ANO7: variants seen among roughly 807,000 people sequenced by gnomAD.
ANO7 encodes the protein anoctamin-7.
Under a neutral mutation model 115.8 loss-of-function variants are expected in ANO7, and 114 were observed. The observed-to-expected ratio is 0.98, with a 90% CI of 0.85 to 1.15. The LOEUF (loss-of-function observed/expected upper bound fraction) is 1.15, where lower values mean the gene tolerates loss of function less well. Ranked by LOEUF, ANO7 falls within the 50% of genes most tolerant of loss-of-function variation. The pLI is 0.00. For missense variants in ANO7, 1,302 were observed against 1,201.2 expected, an observed-to-expected ratio of 1.08 and a Z score of -1.24; for synonymous variants, 550 against 498.2, an observed-to-expected ratio of 1.10 and a Z score of -1.38.
At chr2:241,235,009 C>T in the ANO7 span, 3 of 1,349,404 alleles carry the variant, frequency 2.2e-6, no homozygotes, top group African/African-American at 4.3e-5. Context: ...ATCTCACCTC[C>T]AGCCAGATGT....
chr2:241,233,845 A>C, the ANO7 span: 1 of 1,614,164 alleles, frequency 6.2e-7, no homozygotes, highest in Non-Finnish European at 8.5e-7. The surrounding 1 kb of genome is among the most constrained non-coding windows in gnomAD (Gnocchi z 4.3). Flanking sequence ...CTTATCAGGA[A>C]ACTGGATGTT....
At chr2:241,238,927 G>A in the ANO7 span, 1 of 634,152 alleles carries the variant, frequency 1.6e-6, no homozygotes, top group Admixed American at 2.9e-5. This position sits in a 1 kb window ranked among gnomAD's most constrained non-coding sequence, Gnocchi z 4.9. Flanking sequence ...CCCGAGTCCA[G>A]GGCTCCAGGC....
chr2:241,198,643 G>C (rs995591559), intron 4 of ANO7, among the ~76,000 whole-genome samples: 1 of 152,218 alleles, frequency 6.6e-6, no homozygotes, highest in Middle Eastern at 3.2e-3. Flanking sequence ...GGTGGGGCCG[G>C]GACTTTGGCA....
chr2:241,239,361 TCTC>T, the ANO7 span, among the ~76,000 whole-genome samples: 2 of 152,036 alleles, frequency 1.3e-5, no homozygotes, highest in African/African-American at 4.8e-5. This position sits in a 1 kb window ranked among gnomAD's most constrained non-coding sequence, Gnocchi z 4.6. Context: ...CCTCTCCTCT[TCTC>T]CTTCTCTCTC....
At chr2:241,231,839 AAAC>A in the ANO7 span, among the ~76,000 whole-genome samples, 5 of 152,266 alleles carry the variant, frequency 3.3e-5, no homozygotes, top group African/African-American at 1.2e-4. Flanking sequence ...CAATCGGCGA[AAAC>A]AACATGTCCA....
rs1465122012 is a variant in ANO7 at position 241,223,895 on chromosome 2, T to C, written c.2533-10T>C. ...TCCCTCTTCCTCTTGCTGCCCTTTT[T>C]TGGGGACAGGTTCTTTTTGGAACGA... On this transcript the variant is annotated splice_polypyrimidine_tract_variant and intron_variant, in intron 23 of 24. Coordinates refer to ENST00000674324, the MANE Select transcript of ANO7 (RefSeq NM_001370694.2). 3.1e-6 allele frequency: 5 copies of C among 1,614,080 alleles called. No homozygotes were observed. Among genetic ancestry groups the C allele is most frequent in the African/African-American group, 1.3e-5 (1 of 75,012 alleles).
chr2:241,217,894 G>C lies in ANO7; in HGVS notation c.2178+3G>C, dbSNP rs759213759. 2.6e-6 allele frequency: 4 copies of C among 1,556,198 alleles called. No homozygotes were observed. The highest frequency in any genetic ancestry group is 2.8e-5 in the African/African-American group (2 of 72,056). ...CGCACCTGGCGGTCATCAGCAACGTGAGGCCCGGGCGGGAGCGCGGGGCGG... is the reference window on the plus strand; with the variant it reads ...CGCACCTGGCGGTCATCAGCAACGTCAGGCCCGGGCGGGAGCGCGGGGCGG... On this transcript the variant is annotated splice_donor_region_variant and intron_variant, in intron 20 of 24. Coordinates refer to ENST00000674324, the MANE Select transcript of ANO7 (RefSeq NM_001370694.2).
rs1574804029 is a variant in ANO7 at position 241,223,819 on chromosome 2, C to A, written c.2532+38C>A. Reference sequence around the variant, plus strand: ...GCCCAGTCTCGGCCCTCCCCCCAGCCCTCTCCCTATCCTTGTCAGTGGCTG... The same window carrying A: ...GCCCAGTCTCGGCCCTCCCCCCAGCACTCTCCCTATCCTTGTCAGTGGCTG... On this transcript the variant is annotated intron_variant, in intron 23 of 24. Coordinates refer to ENST00000674324, the MANE Select transcript of ANO7 (RefSeq NM_001370694.2). 5 of 1,614,110 alleles carry A rather than the reference C, an allele frequency of 3.1e-6. No individual in the cohort carries two copies. In the East Asian group the frequency reaches 1.1e-4, roughly 36 times the overall value.
In ANO7 at chr2:241,225,147, C is replaced by T. The variant is rs7568928; in HGVS notation, c.*994C>T. 32,623 of 152,074 alleles carry T rather than the reference C, an allele frequency of 0.21. 3,864 individuals are homozygous for T. The highest frequency in any genetic ancestry group is 0.27 in the Non-Finnish European group (18,094 of 68,002). The allele number at this position is 152,074 out of a possible 1,614,324, so 9.4% of individuals were successfully genotyped here. On this transcript the variant is annotated 3_prime_UTR_variant, in exon 25 of 25. Coordinates refer to ENST00000674324, the MANE Select transcript of ANO7 (RefSeq NM_001370694.2). ...TACCCCGCAGCAATCCCAGTGTGGC[C>T]GTCTGCTTGCTAAAAAATGGATCTG...
chr2:241,203,173 C>T lies in ANO7; in HGVS notation c.724-160C>T, dbSNP rs940157419. Among the ~76,000 whole-genome samples the T allele has an allele frequency of 6.6e-6, 1 of 152,150 alleles. No homozygotes were observed. Among genetic ancestry groups the T allele is most frequent in the African/African-American group, 2.4e-5 (1 of 41,426 alleles). ...CTCAGAGAGGTCCTCCCGGACCACC[C>T]TGTACCCACCCCTCCACATTACTCT... On this transcript the variant is annotated intron_variant, in intron 8 of 24. Transcript: ENST00000674324. This position sits in a 1 kb window ranked among gnomAD's most constrained non-coding sequence, Gnocchi z 4.8.
intron 2 of ANO7, among the ~76,000 whole-genome samples, chr2:241,190,743 A>G (rs1188908862): frequency 6.6e-6 from 1 of 152,122 alleles, no homozygotes; most frequent in Admixed American, 6.5e-5. Flanking sequence ...GGGAGGGCAC[A>G]GGGCCTCTCA....
intron 21 of ANO7, among the ~76,000 whole-genome samples, chr2:241,218,838 G>A (rs929613885): frequency 1.1e-4 from 16 of 152,210 alleles, no homozygotes; most frequent in African/African-American, 3.9e-4. Context: ...GAACGTGACT[G>A]TGGGCTACAT....
the ANO7 span, chr2:241,240,095 G>C: frequency 6.2e-7 from 1 of 1,614,156 alleles, no homozygotes; most frequent in Non-Finnish European, 8.5e-7. The surrounding 1 kb of genome is among the most constrained non-coding windows in gnomAD (Gnocchi z 5.5). Context: ...GGCTTGGCGC[G>C]GATGTCAACA....
At chr2:241,212,742 G>A (rs1308235646) in intron 17 of ANO7, 116 bp downstream of exon 17, 24 of 1,211,412 alleles carry the variant, frequency 2.0e-5, no homozygotes, top group Admixed American at 6.6e-5. Flanking sequence ...TATTTCCATC[G>A]CCCAGCCAGG....
At chr2:241,195,103 G>C (rs542767543) in intron 3 of ANO7, among the ~76,000 whole-genome samples, 1 of 152,290 alleles carries the variant, frequency 6.6e-6, no homozygotes, top group Admixed American at 6.5e-5. Flanking sequence ...TTCTTCCCAA[G>C]CTCCAGCCCC....
chr2:241,221,986 G>C (rs2069031444), intron 21 of ANO7, among the ~76,000 whole-genome samples: 1 of 152,094 alleles, frequency 6.6e-6, no homozygotes, highest in Admixed American at 6.5e-5. Flanking sequence ...TGTATTCCCA[G>C]CACTGTGGGA....
intron 21 of ANO7, among the ~76,000 whole-genome samples, chr2:241,222,954 A>G (rs1224254000): frequency 2.0e-5 from 3 of 152,170 alleles, no homozygotes; most frequent in South Asian, 4.1e-4. Flanking sequence ...GTTTAGCCCA[A>G]TGGGGGACAA....
the ANO7 span, among the ~76,000 whole-genome samples, chr2:241,233,358 T>C: frequency 1.3e-5 from 2 of 151,928 alleles, no homozygotes; most frequent in East Asian, 1.9e-4. This position sits in a 1 kb window ranked among gnomAD's most constrained non-coding sequence, Gnocchi z 4.3. Flanking sequence ...GCACTGCAAT[T>C]TGGAGGAAGT....
intron 3 of ANO7, among the ~76,000 whole-genome samples, chr2:241,193,041 GT>G (rs1230537971): frequency 6.6e-6 from 1 of 151,974 alleles, no homozygotes; most frequent in Non-Finnish European, 1.5e-5. Flanking sequence ...GGTTAAGATG[GT>G]TTTTTGTTTG....
Sources: gnomAD v4.1 joint callset for allele counts (sites outside exome capture counted in the v4.1 genomes callset) on GRCh38, gnomAD v4.1.1 for gene constraint, Gnocchi (gnomAD v3.1) non-coding constraint, MANE v1.5 for transcripts, NCBI Gene and HGNC (gene_info 2026-07-23, HGNC 2026-07-21) for gene names.